Variants in IFI16 observed in about 807,000 individuals in gnomAD.
IFI16 encodes the protein interferon gamma inducible protein 16.
In IFI16, 49 loss-of-function variants were observed where a neutral mutation model predicts 68.4. The observed-to-expected ratio is 0.72, with a 90% confidence interval of 0.57 to 0.91. The LOEUF is 0.91. Among genes scored for constraint, IFI16 ranks in the 40% least tolerant of loss-of-function variants. The probability of loss-of-function intolerance (pLI) is 0.00; values close to 1 mark genes in which losing one functional copy is unlikely to be tolerated. For synonymous variants in IFI16, 307 were observed against 315.0 expected, an observed-to-expected ratio of 0.97 and a Z score of 0.27; for missense variants, 878 against 942.9, an observed-to-expected ratio of 0.93 and a Z score of 0.90.
intron 7 of IFI16, among the ~76,000 whole-genome samples, chr1:159,034,899 T>C (rs55807286): frequency 4.4e-4 from 67 of 152,364 alleles, no homozygotes; most frequent in Non-Finnish European, 7.5e-4. Context: ...TCATGCTATG[T>C]GCATCAATTC....
intron 6 of IFI16, among the ~76,000 whole-genome samples, chr1:159,031,738 T>C (rs74122214): frequency 0.17 from 25,716 of 152,134 alleles, 2,567 homozygotes; most frequent in East Asian, 0.36. Flanking sequence ...AAACGTGCCA[T>C]TTTGAATATT....
chr1:159,048,178 A>G (rs965948129), intron 8 of IFI16, among the ~76,000 whole-genome samples: 22 of 151,322 alleles, frequency 1.5e-4, no homozygotes, highest in Non-Finnish European at 2.1e-4. Flanking sequence ...GCTGTTCATC[A>G]GAGCAGACAC....
chr1:159,039,335 G>A (rs1654489168), intron 7 of IFI16, among the ~76,000 whole-genome samples: 1 of 152,046 alleles, frequency 6.6e-6, no homozygotes, highest in Non-Finnish European at 1.5e-5. Flanking sequence ...ATACAGACAT[G>A]GATACATTAG....
At chr1:159,015,633 C>T in intron 2 of IFI16, 1 of 444,504 alleles carries the variant, frequency 2.2e-6, no homozygotes, top group Non-Finnish European at 4.1e-6. Context: ...GTGCTCAGTG[C>T]ACAGGGGAGG....
At chr1:159,003,706 G>T (rs1652145945), upstream of IFI16, among the ~76,000 whole-genome samples, 1 of 152,114 alleles carries the variant, frequency 6.6e-6, no homozygotes, top group East Asian at 1.9e-4. Context: ...TGTCGCCCAG[G>T]CTGGAGTGCA....
At chr1:159,012,200 A>C (rs1220972858) in intron 1 of IFI16, among the ~76,000 whole-genome samples, 1 of 152,168 alleles carries the variant, frequency 6.6e-6, no homozygotes, top group African/African-American at 2.4e-5. Flanking sequence ...TGAGTATCAC[A>C]AAATAGTTTT....
intron 1 of IFI16, among the ~76,000 whole-genome samples, chr1:159,013,033 C>T (rs913914518): frequency 6.6e-6 from 1 of 151,962 alleles, no homozygotes; most frequent in Admixed American, 6.6e-5. Context: ...TCCTCATTAC[C>T]GAAGGCTTAC....
chr1:159,016,086 T>G, intron 3 of IFI16, 99 bp downstream of exon 3: 1 of 746,428 alleles, frequency 1.3e-6, no homozygotes, highest in Non-Finnish European at 2.3e-6. Flanking sequence ...TTTCTTCATG[T>G]TTCCCATCAA....
chr1:159,050,260 G>T (rs1655263432), intron 9 of IFI16, among the ~76,000 whole-genome samples: 1 of 152,000 alleles, frequency 6.6e-6, no homozygotes, highest in South Asian at 2.1e-4. Context: ...TTATAAAAAT[G>T]ATCATTTTTT....
intron 6 of IFI16, 117 bp downstream of exon 6, chr1:159,020,646 C>T (rs1483853964): frequency 4.9e-6 from 3 of 609,998 alleles, no homozygotes. Flanking sequence ...CATGAGAAAA[C>T]AGATATTCTC....
At position 159,054,999 on chromosome 1, in the gene IFI16, C is replaced by T. The variant is rs1024115878; in HGVS notation, c.*98C>T. On this transcript the variant is annotated 3_prime_UTR_variant, in exon 12 of 12. Transcript: ENST00000295809. ...GTTGAAATACAACACTATACATACACACCACCATATATACTAGCTGTTAAT... is the reference window on the plus strand; with the variant it reads ...GTTGAAATACAACACTATACATACATACCACCATATATACTAGCTGTTAAT... The T allele has an allele frequency of 2.8e-5, 17 of 605,534 alleles. No homozygotes were observed. The highest frequency in any genetic ancestry group is 5.2e-5 in the Non-Finnish European group (17 of 329,492). 37.5% of individuals were successfully genotyped at this position (605,534 alleles called of 1,614,324 possible). A position where few individuals can be genotyped will look rare whatever the true frequency, so the allele number is the denominator to read the frequency against.
Position 159,051,830 on chromosome 1 carries a change from C to A in IFI16, c.1817C>A (p.Thr606Asn), listed in dbSNP as rs200690013. 6.2e-7 allele frequency: 1 copy of A among 1,614,148 alleles called. No individual in the cohort carries two copies. Among genetic ancestry groups the A allele is most frequent in the East Asian group, 2.2e-5 (1 of 44,880 alleles). The change falls in exon 10 of 12, where the codon ACT (threonine) becomes AAT (asparagine). Residue 606 changes from threonine to asparagine, a missense_variant. Thr to Asn is a moderately conservative substitution (Grantham distance 65, BLOSUM62 0). This residue lies in a region of IFI16 where 311 missense variants were observed against 305.1 expected (regional missense o/e 1.02). Coordinates refer to ENST00000295809, the MANE Select transcript of IFI16 (RefSeq NM_001376587.1). ...AAAATGTTTCATGCCACAGTGGCAA[C>A]TGAGAATGAAGTCTTCCGAGTGAAG... is the stretch of plus-strand genomic sequence containing the variant. ...QKKMFHATVA[T>N]ENEVFRVKVF...
At chr1:159,007,564 A>T (rs531551793), upstream of IFI16, among the ~76,000 whole-genome samples, 26 of 152,268 alleles carry the variant, frequency 1.7e-4, no homozygotes, top group African/African-American at 5.8e-4. Flanking sequence ...TACACACTGG[A>T]TTATGTTATC....
rs147301876 is a variant in IFI16 at position 159,045,460 on chromosome 1, C to T, written c.1493C>T (p.Thr498Ile). ...PPSTPSSSFLTTKSEDTISKM... is the reference protein window; with the variant it reads ...PPSTPSSSFLITKSEDTISKM... ...TCAACACCAAGCAGCAGTTTCTTAA[C>T]CACGGTACAAGTTCCCTCTTCCCAA... The change falls in exon 8 of 12, where the codon ACC (threonine) becomes ATC (isoleucine). Residue 498 changes from threonine (T) to isoleucine (I), a missense_variant. Around this residue, in one of 4 missense-constraint regions of IFI16, gnomAD observed 59 missense variants for 119.0 expected, o/e 0.50. Transcript: ENST00000295809. 11,772 of 1,601,220 alleles carry T rather than the reference C, an allele frequency of 7.4e-3. 480 individuals are homozygous for T. The highest frequency in any genetic ancestry group is 8.7e-3 in the Non-Finnish European group (10,180 of 1,172,400).
At position 159,049,465 on chromosome 1, in the gene IFI16, T is replaced by G. The variant is rs1655207354; in HGVS notation, c.1531T>G (p.Phe511Val). 6.6e-7 allele frequency: 1 copy of G among 1,520,800 alleles called. No individual in the cohort carries two copies. 94.2% of individuals were successfully genotyped at this position (1,520,800 alleles called of 1,614,324 possible). A position where few individuals can be genotyped will look rare whatever the true frequency, so the allele number is the denominator to read the frequency against. The change falls in exon 9 of 12, where the codon TTC (phenylalanine) becomes GTC (valine). Residue 511 changes from phenylalanine to valine, a missense_variant. Around this residue, in one of 4 missense-constraint regions of IFI16, gnomAD observed 59 missense variants for 119.0 expected, o/e 0.50. Transcript: ENST00000295809. ...AGACACAATCTCCAAAATGAATGAC[T>G]TCATGAGGATGCAGATACTGAAGGA... ...SEDTISKMND[F>V]MRMQILKEGS...
upstream of IFI16, among the ~76,000 whole-genome samples, chr1:159,007,057 A>G (rs1652287221): frequency 6.6e-6 from 1 of 152,224 alleles, no homozygotes; most frequent in Admixed American, 6.5e-5. Flanking sequence ...AGTATTGGGG[A>G]AAAGGAAACA....
At chr1:159,021,939 C>CTTTTTTTT (rs56149308) in intron 6 of IFI16, among the ~76,000 whole-genome samples, 1 of 61,700 alleles carries the variant, frequency 1.6e-5, no homozygotes, top group African/African-American at 6.3e-5. Flanking sequence ...GCCCTTAGCC[C>CTTTTTTTT]TTTTTTTTTT....
intron 6 of IFI16, among the ~76,000 whole-genome samples, chr1:159,024,963 A>G (rs1557869305): frequency 6.6e-6 from 1 of 151,878 alleles, no homozygotes. Flanking sequence ...AGTGGTTAAT[A>G]CATAAAATAG....
intron 5 of IFI16, 143 bp downstream of exon 5, chr1:159,018,794 T>C: frequency 1.6e-6 from 1 of 641,444 alleles, no homozygotes; most frequent in Non-Finnish European, 2.8e-6. Context: ...TAAAGACTTC[T>C]CTGAAGATAA....
Sources: allele counts gnomAD v4.1 joint callset (sites outside exome capture counted in the v4.1 genomes callset), GRCh38; gene constraint gnomAD v4.1.1; regional missense constraint gnomAD v4.1.1; transcripts MANE v1.5; gene names NCBI Gene and HGNC (gene_info 2026-07-23, HGNC 2026-07-21).